Variants in MGA observed in about 807,000 individuals in gnomAD.
MGA encodes the protein MAX gene-associated protein.
MGA carries 40 observed loss-of-function variants against 261.1 expected under a neutral mutation model. The ratio of observed to expected loss-of-function variants is 0.15; its 90% confidence interval spans 0.12 to 0.20. MGA has a LOEUF of 0.20. Ranked by LOEUF, MGA falls within the 10% of genes least tolerant of loss-of-function variation. The probability of loss-of-function intolerance (pLI) is 1.00; values close to 1 mark genes in which losing one functional copy is unlikely to be tolerated. For missense variants in MGA, 3,397 were observed against 3,630.5 expected (o/e 0.94, Z 1.65); for synonymous variants, 1,302 against 1,290.6 (o/e 1.01, Z -0.19).
intron 1 of MGA, among the ~76,000 whole-genome samples, chr15:41,651,645 T>TCTTCTCTCCTCTCCCCC (rs2057049892): frequency 8.9e-6 from 1 of 112,426 alleles, no homozygotes; most frequent in Non-Finnish European, 1.8e-5. Flanking sequence ...TCCTCTCCCC[T>TCTTCTCTCCTCTCCCCC]CTCCTCTCCC....
chr15:41,651,617 C>T (rs890882291), intron 1 of MGA, among the ~76,000 whole-genome samples: 1 of 143,630 alleles, frequency 7.0e-6, no homozygotes, highest in Non-Finnish European at 1.5e-5. Context: ...CTTTTCCCCT[C>T]TCCTCTCTCC....
At chr15:41,732,210 G>A (rs188196080) in intron 11 of MGA, among the ~76,000 whole-genome samples, 24 of 150,758 alleles carry the variant, frequency 1.6e-4, no homozygotes, top group African/African-American at 4.4e-4. Context: ...GTGCAGTGGC[G>A]CAACCTCAGC....
chr15:41,709,329 CA>C (rs1239919935), intron 7 of MGA, among the ~76,000 whole-genome samples: 1 of 152,070 alleles, frequency 6.6e-6, no homozygotes, highest in East Asian at 1.9e-4. Flanking sequence ...GCCGGAGTGA[CA>C]GAGCGAGACC....
At chr15:41,665,351 C>T (rs1226135550) in intron 1 of MGA, among the ~76,000 whole-genome samples, 1 of 151,640 alleles carries the variant, frequency 6.6e-6, no homozygotes, top group Non-Finnish European at 1.5e-5. Context: ...TTTAATTTGG[C>T]ATATGAGTTC....
chr15:41,658,537 T>C (rs1245263614), upstream of MGA, among the ~76,000 whole-genome samples: 2 of 152,116 alleles, frequency 1.3e-5, no homozygotes, highest in African/African-American at 4.8e-5. Context: ...TGTGGTGGTA[T>C]GATTATTTTT....
chr15:41,703,001 A>T (rs12148330), intron 5 of MGA, among the ~76,000 whole-genome samples: 119,343 of 152,114 alleles, frequency 0.78, 47,318 homozygotes, highest in East Asian at 0.89. Flanking sequence ...TATCTAACAT[A>T]AGATTGGTAC....
upstream of MGA, among the ~76,000 whole-genome samples, chr15:41,656,344 T>TTCTCTCTCTC (rs59370765): frequency 2.7e-4 from 16 of 60,036 alleles, 1 homozygote; most frequent in South Asian, 2.6e-3. Context: ...CTCTCCTCTC[T>TTCTCTCTCTC]TCTCTCTCTC....
rs780200502 is a variant in MGA, at chr15:41,736,640, C to G, written c.4376C>G (p.Ala1459Gly). Residue 1459 changes from alanine (A) to glycine (G), a missense_variant, in exon 13 of 24, where the codon GCA becomes GGA. This residue lies in a region of MGA where 1,410 missense variants were observed against 1,386.4 expected (regional missense o/e 1.02). Transcript: ENST00000219905. ...CCTTTTTATGCAGGGCTTTCTCCTG[C>G]AGGGAAGCTTGTGGCCTATAAACGT... 1.2e-6 allele frequency: 2 copies of G among 1,613,878 alleles called. No homozygotes were observed. Among genetic ancestry groups the G allele is most frequent in the Non-Finnish European group, 1.7e-6 (2 of 1,179,816 alleles).
chr15:41,681,026 G>A (rs2058642742), intron 2 of MGA, among the ~76,000 whole-genome samples: 1 of 152,114 alleles, frequency 6.6e-6, no homozygotes, highest in African/African-American at 2.4e-5. Context: ...GTGGGTTCAT[G>A]AATGACAGTC....
In MGA at chr15:41,668,954, A is replaced by C; in HGVS notation, c.60A>C (p.Ala20=). ...AAGATGGTGGAACAGTGGCAGGAGC[A>C]GCACCTACCTTCTTTGTCATCTTAA... is the stretch of plus-strand genomic sequence containing the variant. Residue 20 remains alanine (A), a synonymous_variant, in exon 2 of 24, where the codon GCA becomes GCC. Coordinates refer to ENST00000219905, the MANE Select transcript of MGA (RefSeq NM_001164273.2). 1 of 1,609,362 alleles carries C rather than the reference A, an allele frequency of 6.2e-7. No individual in the cohort carries two copies. Among genetic ancestry groups the C allele is most frequent in the Non-Finnish European group, 8.5e-7 (1 of 1,176,558 alleles).
Position 41,669,538 on chromosome 15 carries a change from T to G in MGA, c.644T>G (p.Val215Gly), listed in dbSNP as rs773103594. The change falls in exon 2 of 24, where the codon GTG becomes GGG. Residue 215 changes from valine (V) to glycine (G), a missense_variant. Around this residue, in one of 9 missense-constraint regions of MGA, gnomAD observed 104 missense variants for 212.9 expected, o/e 0.49. Transcript: ENST00000219905. ...GTGCCTGCAGAAAAGGCTGTGGAGG[T>G]GATACAATTAAATGGCCCTGGTGTC... 5 of 1,613,818 alleles carry G rather than the reference T, an allele frequency of 3.1e-6. No homozygotes were observed. Among genetic ancestry groups the G allele is most frequent in the African/African-American group, 1.3e-5 (1 of 74,886 alleles).
intron 1 of MGA, among the ~76,000 whole-genome samples, chr15:41,667,009 T>C (rs2057780560): frequency 1.3e-5 from 2 of 152,210 alleles, no homozygotes; most frequent in Non-Finnish European, 2.9e-5. Context: ...ATACTCCCAG[T>C]AACTGCTTAG....
At chr15:41,697,208 T>C (rs971848284) in intron 3 of MGA, among the ~76,000 whole-genome samples, 185 bp downstream of exon 3, 6 of 152,194 alleles carry the variant, frequency 3.9e-5, no homozygotes, top group Non-Finnish European at 8.8e-5. Flanking sequence ...TAACTTAAGA[T>C]ACTTCATTTG....
At chr15:41,719,947 A>AT (rs1311495015) in intron 9 of MGA, among the ~76,000 whole-genome samples, 1 of 152,110 alleles carries the variant, frequency 6.6e-6, no homozygotes, top group Non-Finnish European at 1.5e-5. Context: ...AAAATTCAAC[A>AT]TTTTTTATTT....
intron 5 of MGA, 144 bp downstream of exon 5, chr15:41,699,303 C>T (rs554086647): frequency 2.3e-5 from 14 of 597,588 alleles, no homozygotes; most frequent in African/African-American, 1.9e-4. Context: ...TCTTTCAGCA[C>T]GTCTTTCAGT....
chr15:41,717,177 G>A (rs1297763349), intron 9 of MGA, among the ~76,000 whole-genome samples: 1 of 152,020 alleles, frequency 6.6e-6, no homozygotes. Context: ...TTTTAATTCT[G>A]CCTCCTTGTT....
At position 41,696,301 on chromosome 15, in the gene MGA, A is replaced by T. The variant is rs2059548736; in HGVS notation, c.1291A>T (p.Asn431Tyr). Residue 431 changes from asparagine (N) to tyrosine (Y), a missense_variant, in exon 3 of 24, where the codon AAT becomes TAT. Asn to Tyr is a moderately radical substitution (Grantham distance 143). Transcript: ENST00000219905. ...ACTAGAGAAACAGCTAAAGAGGCACAATAAAGTTGACAACCCAGAAGCTGA... is the reference window on the plus strand; with the variant it reads ...ACTAGAGAAACAGCTAAAGAGGCACTATAAAGTTGACAACCCAGAAGCTGA... 6.2e-7 allele frequency: 1 copy of T among 1,613,936 alleles called. No individual in the cohort carries two copies. The highest frequency in any genetic ancestry group is 2.2e-5 in the East Asian group (1 of 44,886).
At position 41,729,367 on chromosome 15, in the gene MGA, T is replaced by A. The variant is rs765303626; in HGVS notation, c.3843+18T>A. 4 of 1,592,760 alleles carry A rather than the reference T, an allele frequency of 2.5e-6. No individual in the cohort carries two copies. Among genetic ancestry groups the A allele is most frequent in the Non-Finnish European group, 3.4e-6 (4 of 1,170,136 alleles). On this transcript the variant is annotated intron_variant, in intron 11 of 23. Transcript: ENST00000219905. ...ATGCAAAGGTGAGTTTCTTGTTGCA[T>A]AAGTTCTTTTTAACTTCTGATTACC... is the stretch of plus-strand genomic sequence containing the variant.
At chr15:41,660,867 C>G (rs1031726922) in intron 1 of MGA, among the ~76,000 whole-genome samples, 1 of 152,200 alleles carries the variant, frequency 6.6e-6, no homozygotes, top group Non-Finnish European at 1.5e-5. Context: ...GGGTGCCGCT[C>G]CGCGTGGTAC....
Sources: allele counts gnomAD v4.1 joint callset (sites outside exome capture counted in the v4.1 genomes callset), GRCh38; gene constraint gnomAD v4.1.1; regional missense constraint gnomAD v4.1.1; transcripts MANE v1.5; gene names NCBI Gene and HGNC (gene_info 2026-07-23, HGNC 2026-07-21).